The following SLC22A9 variants were observed in gnomAD, a reference collection of about 807,000 sequenced individuals.
SLC22A9 encodes the protein solute carrier family 22 member 9.
In SLC22A9, 64 loss-of-function variants were observed where a neutral mutation model predicts 50.1. The observed-to-expected ratio is 1.28, with a 90% CI of 1.04 to 1.57. SLC22A9 has a LOEUF of 1.57. SLC22A9 is among the 40% of genes most tolerant of loss of function. SLC22A9 has a pLI of 0.00. For missense variants in SLC22A9, 757 were observed against 676.1 expected (o/e 1.12, Z -1.33); for synonymous variants, 261 against 242.5 (o/e 1.08, Z -0.71).
intron 6 of SLC22A9, among the ~76,000 whole-genome samples, chr11:63,398,332 G>A (rs753253147): frequency 6.6e-6 from 1 of 152,128 alleles, no homozygotes; most frequent in Non-Finnish European, 1.5e-5. Flanking sequence ...AGCTGCTGGG[G>A]TCTCACTAGA....
intron 6 of SLC22A9, among the ~76,000 whole-genome samples, chr11:63,393,945 G>C (rs544112892): frequency 2.0e-5 from 3 of 152,162 alleles, no homozygotes; most frequent in Admixed American, 6.5e-5. Context: ...AAGCAAATGT[G>C]GGTTTGGTCT....
chr11:63,385,177 T>G (rs563021127), intron 6 of SLC22A9, among the ~76,000 whole-genome samples: 23 of 151,400 alleles, frequency 1.5e-4, no homozygotes, highest in African/African-American at 4.1e-4. Flanking sequence ...CAATTTTTTT[T>G]TTGTTGCAGT....
chr11:63,400,707 C>T (rs1321755796), intron 6 of SLC22A9, among the ~76,000 whole-genome samples: 1 of 151,888 alleles, frequency 6.6e-6, no homozygotes, highest in Non-Finnish European at 1.5e-5. Flanking sequence ...AACGAACACA[C>T]ACAAAAAAGA....
intron 5 of SLC22A9, among the ~76,000 whole-genome samples, chr11:63,377,937 T>A (rs1334549597): frequency 6.6e-6 from 1 of 152,044 alleles, no homozygotes; most frequent in African/African-American, 2.4e-5. Context: ...GCGCAGAAAC[T>A]AGAAAACCTG....
chr11:63,380,149 A>G (rs1484911136), intron 5 of SLC22A9, among the ~76,000 whole-genome samples: 2 of 152,210 alleles, frequency 1.3e-5, no homozygotes, highest in African/African-American at 4.8e-5. Flanking sequence ...ACCATCTCAC[A>G]CCTGTCAGAA....
chr11:63,384,475 T>C (rs1591018023), intron 6 of SLC22A9, among the ~76,000 whole-genome samples: 1 of 151,990 alleles, frequency 6.6e-6, no homozygotes, highest in East Asian at 1.9e-4. Flanking sequence ...CATGATCGCA[T>C]TTTTTTTATG....
intron 6 of SLC22A9, among the ~76,000 whole-genome samples, chr11:63,391,672 C>T (rs2014766314): frequency 6.6e-6 from 1 of 151,816 alleles, no homozygotes; most frequent in South Asian, 2.1e-4. Flanking sequence ...CATTTCCATC[C>T]CTTTATTTTC....
chr11:63,380,031 C>G lies in SLC22A9; in HGVS notation c.955-2128C>G, dbSNP rs552759610. Among the ~76,000 whole-genome samples the G allele has an allele frequency of 4.0e-5, 6 of 151,722 alleles. No homozygotes were observed. In the South Asian group the frequency reaches 1.2e-3, roughly 32 times the overall value. On this transcript the variant is annotated intron_variant, in intron 5 of 9. Transcript: ENST00000279178. ...ACAAGCGTAAGCCATCGTGCCCGGC[C>G]AAACAAACACTTCTCAAAAAAAGAC...
intron 5 of SLC22A9, among the ~76,000 whole-genome samples, chr11:63,379,020 T>A (rs1338976620): frequency 1.3e-5 from 2 of 151,960 alleles, no homozygotes; most frequent in African/African-American, 4.8e-5. Flanking sequence ...AAAACTATTC[T>A]AAAATTCATA....
At chr11:63,372,290 AACTC>A (rs1301055975) in intron 2 of SLC22A9, among the ~76,000 whole-genome samples, 2 of 151,650 alleles carry the variant, frequency 1.3e-5, no homozygotes, top group African/African-American at 4.8e-5. Context: ...GTTTTGGAAT[AACTC>A]ACTCAACTGT....
In SLC22A9 at chr11:63,408,093, G is replaced by A; in HGVS notation, c.1289-19G>A. 1 of 1,604,658 alleles carries A rather than the reference G, an allele frequency of 6.2e-7. No homozygotes were observed. The highest frequency in any genetic ancestry group is 1.7e-4 in the Middle Eastern group (1 of 6,016). Reference sequence around the variant, plus strand: ...TTCAGCTCAGATTTCCTGAGGCCTTGTGTTCTTCCTTTCTCCAGAAATGCA... The same window carrying A: ...TTCAGCTCAGATTTCCTGAGGCCTTATGTTCTTCCTTTCTCCAGAAATGCA... On this transcript the variant is annotated intron_variant, in intron 7 of 9. Transcript: ENST00000279178.
chr11:63,374,151 T>C, intron 4 of SLC22A9, 89 bp downstream of exon 4: 1 of 1,272,292 alleles, frequency 7.9e-7, no homozygotes, highest in South Asian at 1.6e-5. Flanking sequence ...TTTTGTTCTT[T>C]GTGTAAACCT....
In SLC22A9 at chr11:63,409,944, GA is replaced by G. The variant is rs1160185380; in HGVS notation, c.*86del. 1.3e-5 allele frequency: 20 copies of G among 1,506,954 alleles called. No homozygotes were observed. Among genetic ancestry groups the G allele is most frequent in the Non-Finnish European group, 1.7e-5 (19 of 1,088,848 alleles). The allele number at this position is 1,506,954 out of a possible 1,614,324, so 93.3% of individuals were successfully genotyped here. On this transcript the variant is annotated 3_prime_UTR_variant, in exon 10 of 10. Coordinates refer to ENST00000279178, the MANE Select transcript of SLC22A9 (RefSeq NM_080866.3). Reference sequence around the variant, plus strand: ...TATTCCTAGACACTAGCAAAATCTAGAAAATAAATAACAAGGCTGGGTGCGG... The same window carrying G: ...TATTCCTAGACACTAGCAAAATCTAGAAATAAATAACAAGGCTGGGTGCGG...
At position 63,405,357 on chromosome 11, in the gene SLC22A9, G is replaced by A. The variant is rs1025152156; in HGVS notation, c.1074-1140G>A. Among the ~76,000 whole-genome samples, 6 of 152,080 alleles carry A rather than the reference G, an allele frequency of 3.9e-5. No homozygotes were observed. The South Asian group carries it at 1.2e-3, about 32-fold the overall frequency. On this transcript the variant is annotated intron_variant, in intron 6 of 9. Coordinates refer to ENST00000279178, the MANE Select transcript of SLC22A9 (RefSeq NM_080866.3). ...GTGAGAACTAGAAACTGTGTCAAGG[G>A]CGACTAAGCCCTGCTGTGCTGTGAG...
rs557441116 is a variant in SLC22A9 at position 63,408,807 on chromosome 11, G to A, written c.1529G>A (p.Gly510Asp). 1.9e-6 allele frequency: 3 copies of A among 1,613,872 alleles called. No homozygotes were observed. The highest frequency in any genetic ancestry group is 2.7e-5 in the African/African-American group (2 of 74,996). The change falls in exon 9 of 10, where the codon GGC (glycine) becomes GAC (aspartate). Residue 510 changes from glycine to aspartate, a missense_variant. Coordinates refer to ENST00000279178, the MANE Select transcript of SLC22A9 (RefSeq NM_080866.3). Reference protein sequence around the residue: ...IIYGVFPFISGFAFLLLPETR... With the variant: ...IIYGVFPFISDFAFLLLPETR... ...TATGGAGTCTTCCCCTTCATCTCTG[G>A]CTTTGCTTTCCTCCTCCTTCCTGAA...
chr11:63,388,097 GATT>G (rs2014700557), intron 6 of SLC22A9, among the ~76,000 whole-genome samples: 1 of 151,966 alleles, frequency 6.6e-6, no homozygotes, highest in South Asian at 2.1e-4. Context: ...CCAAATATAA[GATT>G]ATATCATCTG....
intron 5 of SLC22A9, among the ~76,000 whole-genome samples, chr11:63,380,658 C>T (rs1279755872): frequency 1.3e-5 from 2 of 152,052 alleles, no homozygotes; most frequent in Non-Finnish European, 2.9e-5. Context: ...TGTATACATA[C>T]ACACAAACAA....
At chr11:63,374,148 C>A in intron 4 of SLC22A9, 86 bp downstream of exon 4, 1 of 1,332,018 alleles carries the variant, frequency 7.5e-7, no homozygotes, top group Non-Finnish European at 1.0e-6. Context: ...TCTTTTTGTT[C>A]TTTGTGTAAA....
chr11:63,391,410 G>C (rs2014762031), intron 6 of SLC22A9, among the ~76,000 whole-genome samples: 1 of 152,090 alleles, frequency 6.6e-6, no homozygotes, highest in Admixed American at 6.6e-5. Flanking sequence ...ATTGCAGAAA[G>C]TGGGAAGTTG....
Sources: gnomAD v4.1 joint callset for allele counts (sites outside exome capture counted in the v4.1 genomes callset) on GRCh38, gnomAD v4.1.1 for gene constraint, MANE v1.5 for transcripts, NCBI Gene and HGNC (gene_info 2026-07-23, HGNC 2026-07-21) for gene names.